KRT23: variants seen among roughly 807,000 people sequenced by gnomAD.
KRT23 encodes the protein keratin 23.
A neutral mutation model predicts 47.6 loss-of-function variants in KRT23; 38 were observed. The ratio of observed to expected loss-of-function variants is 0.80; its 90% CI spans 0.62 to 1.05. The LOEUF (loss-of-function observed/expected upper bound fraction) is 1.05, where lower values mean the gene tolerates loss of function less well. Ranked by LOEUF, KRT23 falls within the 50% of genes least tolerant of loss-of-function variation. KRT23 has a pLI of 0.00. For missense variants in KRT23, 503 were observed against 529.5 expected (o/e 0.95, Z 0.49); for synonymous variants, 191 against 199.0 (o/e 0.96, Z 0.34).
At chr17:40,937,028 AAAAACC>A (rs1394996767) in intron 1 of KRT23, 75 bp from the exon 2 acceptor site, 1 of 166,488 alleles carries the variant, frequency 6.0e-6, no homozygotes, top group Non-Finnish European at 1.3e-5. Context: ...AAAAAAAACC[AAAAACC>A]AAAACCAAAA....
intron 3 of KRT23, among the ~76,000 whole-genome samples, chr17:40,931,012 C>CTTTTTT (rs1165590099): frequency 1.3e-4 from 16 of 120,822 alleles, no homozygotes; most frequent in African/African-American, 4.2e-4. Context: ...ATGAGTTTTC[C>CTTTTTT]TTTTTTTTTT....
At chr17:40,931,947 CA>C (rs752418842) in intron 2 of KRT23, among the ~76,000 whole-genome samples, 17 of 152,094 alleles carry the variant, frequency 1.1e-4, no homozygotes, top group Admixed American at 2.6e-4. Flanking sequence ...TTCAGCCCTC[CA>C]AAAATACAAA....
At chr17:40,926,030 T>C (rs1909203117) in intron 6 of KRT23, among the ~76,000 whole-genome samples, 1 of 152,196 alleles carries the variant, frequency 6.6e-6, no homozygotes, top group African/African-American at 2.4e-5. Flanking sequence ...AAAAAATTGC[T>C]TTTTATTTGA....
chr17:40,936,505 G>T lies in KRT23; in HGVS notation c.99C>A (p.Thr33=), dbSNP rs1025552600. 6.5e-6 allele frequency: 10 copies of T among 1,535,788 alleles called. No individual in the cohort carries two copies. The highest frequency in any genetic ancestry group is 7.9e-6 in the Non-Finnish European group (9 of 1,143,866). ...GGGCTCCCCCCGCACCGCCATGGAC[G>T]GTGGGAGCCCTGGGGAAGCTCCTGG... ...GRPRSFPRAP[T]VHGGAGGARI... Residue 33 remains threonine (T), a synonymous_variant, in exon 2 of 9, where the codon ACC becomes ACA. Coordinates refer to ENST00000209718, the MANE Select transcript of KRT23 (RefSeq NM_015515.5).
intron 8 of KRT23, 49 bp from the exon 9 acceptor site, chr17:40,923,132 C>T (rs982304072): frequency 4.4e-6 from 6 of 1,352,248 alleles, no homozygotes; most frequent in Middle Eastern, 1.8e-4. Context: ...CTTCCACCAT[C>T]TGAACTGTAC....
chr17:40,924,375 C>A, intron 8 of KRT23, 97 bp downstream of exon 8: 1 of 936,430 alleles, frequency 1.1e-6, no homozygotes, highest in Non-Finnish European at 1.7e-6. Context: ...GAACCCAGGA[C>A]ATTTGGGAGT....
chr17:40,929,185 A>G (rs1909462563), intron 4 of KRT23, among the ~76,000 whole-genome samples: 1 of 152,142 alleles, frequency 6.6e-6, no homozygotes, highest in Non-Finnish European at 1.5e-5. Context: ...TGAAGTGACA[A>G]CATAGTTAAG....
At position 40,929,967 on chromosome 17, in the gene KRT23, G is replaced by A. The variant is rs1433877617; in HGVS notation, c.609C>T (p.Leu203=). Residue 203 remains leucine (L), a synonymous_variant, in exon 4 of 9, where the codon CTC becomes CTT. Coordinates refer to ENST00000209718, the MANE Select transcript of KRT23 (RefSeq NM_015515.5). The part of the protein sequence containing the change: ...EQEVEGMRKE[L]ILMKKHHEQE... ...GCTCATGGTGCTTCTTCATGAGAAT[G>A]AGCTCTTTCCTCATTCCTTCCACCT... The A allele has an allele frequency of 1.2e-6, 2 of 1,613,996 alleles. No homozygotes were observed. Among genetic ancestry groups the A allele is most frequent in the Middle Eastern group, 1.6e-4 (1 of 6,076 alleles).
intron 3 of KRT23, among the ~76,000 whole-genome samples, chr17:40,930,580 A>G (rs1352181140): frequency 5.9e-5 from 9 of 152,074 alleles, no homozygotes; most frequent in Non-Finnish European, 1.5e-5. Context: ...CCTGGCCAAC[A>G]TGGTGAAACC....
chr17:40,924,980 C>G lies in KRT23; in HGVS notation c.1142+374G>C, dbSNP rs182487770. ...TATCAGATTGAAAGTCTAGACATCT[C>G]TAGCTCATATGCATCTTTTTTTTTT... On this transcript the variant is annotated intron_variant, in intron 7 of 8. Coordinates refer to ENST00000209718, the MANE Select transcript of KRT23 (RefSeq NM_015515.5). 2.1e-5 allele frequency among the ~76,000 whole-genome samples: 3 copies of G among 144,338 alleles called. No homozygotes were observed. In the East Asian group the frequency reaches 6.4e-4, roughly 31 times the overall value. 94.7% of individuals were successfully genotyped at this position (144,338 alleles called of 152,430 possible).
intron 6 of KRT23, among the ~76,000 whole-genome samples, chr17:40,926,604 C>T (rs141616350): frequency 2.4e-4 from 36 of 152,332 alleles, no homozygotes; most frequent in African/African-American, 7.9e-4. Flanking sequence ...CCAGTCATCT[C>T]GGCAGTTGCC....
chr17:40,928,597 T>G lies in KRT23; in HGVS notation c.647A>C (p.Lys216Thr). ...MKKHHEQEME[K>T]HHVPSDFNVN... Reference sequence around the variant, plus strand: ...ATTGAAGTCACTTGGCACATGATGCTTCTCCATTTCCTATTTAATAACAGA... The same window carrying G: ...ATTGAAGTCACTTGGCACATGATGCGTCTCCATTTCCTATTTAATAACAGA... The change falls in exon 5 of 9, where the codon AAG becomes ACG. Residue 216 changes from lysine to threonine, a missense_variant. By Grantham distance (78) the Lys-to-Thr change is moderately conservative. Coordinates refer to ENST00000209718, the MANE Select transcript of KRT23 (RefSeq NM_015515.5). 6.2e-7 allele frequency: 1 copy of G among 1,611,898 alleles called. No individual in the cohort carries two copies. The highest frequency in any genetic ancestry group is 8.5e-7 in the Non-Finnish European group (1 of 1,179,546).
Position 40,929,944 on chromosome 17 carries a change from T to C in KRT23, c.632A>G (p.Glu211Gly). 1 of 1,614,038 alleles carries C rather than the reference T, an allele frequency of 6.2e-7. No individual in the cohort carries two copies. Among genetic ancestry groups the C allele is most frequent in the South Asian group, 1.1e-5 (1 of 91,056 alleles). Reference sequence around the variant, plus strand: ...GGTGTTCCTGGGGAGTTGTACCTGCTCATGGTGCTTCTTCATGAGAATGAG... The same window carrying C: ...GGTGTTCCTGGGGAGTTGTACCTGCCCATGGTGCTTCTTCATGAGAATGAG... The part of the protein sequence containing the change: ...KELILMKKHH[E>G]QEMEKHHVPS... Residue 211 changes from glutamate to glycine, a missense_variant, in exon 4 of 9, where the codon GAG (glutamate) becomes GGG (glycine). Transcript: ENST00000209718.
In KRT23 at chr17:40,937,564, G is replaced by A. The variant is rs1476442016; in HGVS notation, c.-569C>T. 6.6e-6 allele frequency: 1 copy of A among 152,236 alleles called. No homozygotes were observed. The highest frequency in any genetic ancestry group is 1.5e-5 in the Non-Finnish European group (1 of 68,050). The allele number at this position is 152,236 out of a possible 1,614,324, so 9.4% of individuals were successfully genotyped here. A position where few individuals can be genotyped will look rare whatever the true frequency, so the allele number is the denominator to read the frequency against. On this transcript the variant is annotated 5_prime_UTR_variant, in exon 1 of 9. Coordinates refer to ENST00000209718, the MANE Select transcript of KRT23 (RefSeq NM_015515.5). Reference sequence around the variant, plus strand: ...CCATGGGCTGTCAAATGTGGTTGATGAATCTTATATTTCATCTGCCAAGGT... The same window carrying A: ...CCATGGGCTGTCAAATGTGGTTGATAAATCTTATATTTCATCTGCCAAGGT...
At chr17:40,934,651 G>C (rs1160131546) in intron 2 of KRT23, among the ~76,000 whole-genome samples, 2 of 152,176 alleles carry the variant, frequency 1.3e-5, no homozygotes, top group Admixed American at 1.3e-4. Context: ...AGGTGGGCTA[G>C]GCAGCACTAC....
Position 40,928,258 on chromosome 17 carries a change from G to A in KRT23, c.901C>T (p.Leu301=). ...CTCACCGTGCTGTACTGTGTCTGCA[G>A]GTCAATCTCCAGGGCCTGGAATGTG... is the stretch of plus-strand genomic sequence containing the variant. ...KRTFQALEID[L]QTQYSTKSAL... Residue 301 remains leucine, a synonymous_variant, in exon 6 of 9, where the codon CTG becomes TTG. Transcript: ENST00000209718. 1 of 1,614,152 alleles carries A rather than the reference G, an allele frequency of 6.2e-7. No individual in the cohort carries two copies. Among genetic ancestry groups the A allele is most frequent in the Non-Finnish European group, 8.5e-7 (1 of 1,180,022 alleles).
At chr17:40,931,298 C>T (rs952192074) in intron 3 of KRT23, 75 bp downstream of exon 3, 6 of 1,115,550 alleles carry the variant, frequency 5.4e-6, no homozygotes, top group Admixed American at 1.7e-5. Flanking sequence ...GTGTGAGCCA[C>T]CGCGCCCCGC....
chr17:40,929,847 C>A, intron 4 of KRT23, 93 bp downstream of exon 4: 1 of 1,066,936 alleles, frequency 9.4e-7, no homozygotes, highest in East Asian at 2.5e-5. Flanking sequence ...GGATTGGCAT[C>A]CAGGTGGTGG....
At position 40,925,259 on chromosome 17, in the gene KRT23, A is replaced by G. The variant is rs1909150097; in HGVS notation, c.1142+95T>C. The G allele has an allele frequency of 1.8e-5, 19 of 1,039,610 alleles. 1 individual carries two copies. The South Asian group carries it at 2.4e-4, about 13-fold the overall frequency. 64.4% of individuals were successfully genotyped at this position (1,039,610 alleles called of 1,614,324 possible). A position where few individuals can be genotyped will look rare whatever the true frequency, so the allele number is the denominator to read the frequency against. ...CTCAACACAACTTTTCTCTTGCTAG[A>G]GTGACTCTTGCTAACAGAACCCAAA... On this transcript the variant is annotated intron_variant, in intron 7 of 8. Transcript: ENST00000209718.
Sources: gnomAD v4.1 joint callset for allele counts (sites outside exome capture counted in the v4.1 genomes callset) on GRCh38, gnomAD v4.1.1 for gene constraint, MANE v1.5 for transcripts, NCBI Gene and HGNC (gene_info 2026-07-23, HGNC 2026-07-21) for gene names.